The following CASP6 variants were observed in gnomAD, a reference collection of about 807,000 sequenced individuals.
CASP6 encodes caspase-6.
In CASP6, 20 loss-of-function variants were observed where a neutral mutation model predicts 31.8. The ratio of observed to expected loss-of-function variants is 0.63; its 90% CI spans 0.44 to 0.91. CASP6 has a LOEUF of 0.91. Among genes scored for constraint, CASP6 ranks in the 40% least tolerant of loss-of-function variants. The pLI is 0.00. For missense variants in CASP6, 328 were observed against 361.1 expected, an observed-to-expected ratio of 0.91 and a Z score of 0.74; for synonymous variants, 130 against 127.8, an observed-to-expected ratio of 1.02 and a Z score of -0.12.
At chr4:109,708,178 G>C (rs952175824), upstream of CASP6, among the ~76,000 whole-genome samples, 2 of 152,176 alleles carry the variant, frequency 1.3e-5, no homozygotes, top group Non-Finnish European at 2.9e-5. Flanking sequence ...GATGTCATTA[G>C]AGTACGAAAT....
chr4:109,694,745 T>C (rs1227409943), intron 4 of CASP6, 45 bp from the exon 5 acceptor site: 2 of 1,436,966 alleles, frequency 1.4e-6, no homozygotes, highest in South Asian at 1.6e-5. Context: ...AATATGATGC[T>C]TGTTATCTAC....
intron 5 of CASP6, among the ~76,000 whole-genome samples, chr4:109,694,055 C>T (rs1730161788): frequency 6.6e-6 from 1 of 152,134 alleles, no homozygotes; most frequent in South Asian, 2.1e-4. Context: ...ATCCCTAAAA[C>T]CAATTTGGCA....
chr4:109,688,683 T>C lies in CASP6; in HGVS notation c.*647A>G, dbSNP rs1305438473. 1 of 152,168 alleles carries C rather than the reference T, an allele frequency of 6.6e-6. No individual in the cohort carries two copies. The highest frequency in any genetic ancestry group is 1.5e-5 in the Non-Finnish European group (1 of 68,034). 9.4% of individuals were successfully genotyped at this position (152,168 alleles called of 1,614,324 possible). On this transcript the variant is annotated 3_prime_UTR_variant, in exon 7 of 7. Transcript: ENST00000265164. The stretch of plus-strand genomic sequence containing the variant: ...TTAATTCCTGGATTTCAAAAACCTT[T>C]AAAAACATCAAACAATAAACTTTTA...
intron 3 of CASP6, 77 bp from the exon 4 acceptor site, chr4:109,696,563 T>G (rs1432059853): frequency 2.2e-6 from 2 of 923,084 alleles, no homozygotes; most frequent in African/African-American, 3.3e-5. Flanking sequence ...GAAGAATCTA[T>G]ACACATTTTA....
At chr4:109,694,349 T>C (rs1730171257) in intron 5 of CASP6, among the ~76,000 whole-genome samples, 176 bp downstream of exon 5, 1 of 152,208 alleles carries the variant, frequency 6.6e-6, no homozygotes, top group Non-Finnish European at 1.5e-5. Context: ...ATATAGACAA[T>C]GAGAGTGTCA....
At chr4:109,687,774 A>AT, downstream of CASP6, 2 of 583,316 alleles carry the variant, frequency 3.4e-6, no homozygotes, top group Admixed American at 6.5e-5. Flanking sequence ...TGACTTGCTA[A>AT]TGTTAGAAAG....
the CASP6 span, among the ~76,000 whole-genome samples, chr4:109,670,504 G>T: frequency 6.6e-6 from 1 of 152,090 alleles, no homozygotes; most frequent in Non-Finnish European, 1.5e-5. Flanking sequence ...GGATCACTGG[G>T]TCAGGAGTTT....
intron 1 of CASP6, among the ~76,000 whole-genome samples, chr4:109,701,455 G>T (rs1409866108): frequency 1.3e-5 from 2 of 150,524 alleles, no homozygotes; most frequent in Non-Finnish European, 3.0e-5. Flanking sequence ...TTGAGACAGA[G>T]CCTCCCTCTG....
the CASP6 span, among the ~76,000 whole-genome samples, chr4:109,709,542 C>T: frequency 6.6e-6 from 1 of 152,146 alleles, no homozygotes; most frequent in South Asian, 2.1e-4. Flanking sequence ...CTTCTCTGTG[C>T]TCAATGTCTC....
upstream of CASP6, among the ~76,000 whole-genome samples, chr4:109,704,952 G>A (rs945658960): frequency 5.3e-5 from 8 of 152,112 alleles, no homozygotes; most frequent in Admixed American, 3.9e-4. Context: ...CAATCTGCCC[G>A]CCTCGGTCTC....
downstream of CASP6, chr4:109,687,675 T>C (rs1320845374): frequency 2.5e-6 from 2 of 807,798 alleles, no homozygotes; most frequent in African/African-American, 1.7e-5. Flanking sequence ...ATGGTTCATT[T>C]TGATTGTTTA....
chr4:109,689,584 G>A lies in CASP6; in HGVS notation c.644-16C>T. On this transcript the variant is annotated splice_polypyrimidine_tract_variant and intron_variant, in intron 6 of 6. Coordinates refer to ENST00000265164, the MANE Select transcript of CASP6 (RefSeq NM_001226.4). ...GAATAATATCCTAAAAAAGTGAGAA[G>A]GAAAATGTTGCTGCAGTTTTCTGGC... 3 of 1,604,630 alleles carry A rather than the reference G, an allele frequency of 1.9e-6. No homozygotes were observed. Among genetic ancestry groups the A allele is most frequent in the Non-Finnish European group, 2.6e-6 (3 of 1,172,358 alleles).
chr4:109,691,205 G>GTTTC (rs1730045267), intron 5 of CASP6, among the ~76,000 whole-genome samples, 196 bp from the exon 6 acceptor site: 1 of 152,200 alleles, frequency 6.6e-6, no homozygotes, highest in African/African-American at 2.4e-5. Flanking sequence ...CTTTCTTTTA[G>GTTTC]TTAATGTTTT....
chr4:109,671,590 T>G, the CASP6 span, among the ~76,000 whole-genome samples: 1 of 152,226 alleles, frequency 6.6e-6, no homozygotes, highest in African/African-American at 2.4e-5. Flanking sequence ...TTTCTAAGTT[T>G]CTATCTCTCC....
At chr4:109,669,665 G>A in the CASP6 span, among the ~76,000 whole-genome samples, 56,935 of 149,496 alleles carry the variant, frequency 0.38, 11,182 homozygotes, top group East Asian at 0.52. Flanking sequence ...TTCATTTTGT[G>A]GCTGTCCTAA....
At chr4:109,673,904 T>C in the CASP6 span, 6 of 776,298 alleles carry the variant, frequency 7.7e-6, no homozygotes, top group Middle Eastern at 3.6e-4. Context: ...TCCAAACTTA[T>C]TCGAAAAGCT....
downstream of CASP6, chr4:109,687,569 G>A (rs1396112520): frequency 1.2e-6 from 2 of 1,610,388 alleles, no homozygotes; most frequent in South Asian, 2.2e-5. Context: ...AATGCAAGTA[G>A]AAGAACTCAA....
chr4:109,667,006 T>G, the CASP6 span, among the ~76,000 whole-genome samples: 1 of 152,176 alleles, frequency 6.6e-6, no homozygotes. Context: ...TTGCTGAGGA[T>G]TTTTGTGTCT....
intron 5 of CASP6, among the ~76,000 whole-genome samples, chr4:109,693,781 C>G (rs912032567): frequency 1.3e-5 from 2 of 151,004 alleles, no homozygotes; most frequent in Non-Finnish European, 3.0e-5. Flanking sequence ...CTCTGACGCC[C>G]AGGCTGGAGT....
Sources: allele counts gnomAD v4.1 joint callset (sites outside exome capture counted in the v4.1 genomes callset), GRCh38; gene constraint gnomAD v4.1.1; transcripts MANE v1.5; gene names NCBI Gene and HGNC (gene_info 2026-07-23, HGNC 2026-07-21).